FOCAD: variants seen among roughly 807,000 people sequenced by gnomAD.
FOCAD encodes KIAA1797.
Under a neutral mutation model 225.6 loss-of-function variants are expected in FOCAD, and 198 were observed. The ratio of observed to expected loss-of-function variants is 0.88; its 90% CI spans 0.78 to 0.99. FOCAD has a LOEUF of 0.99. Ranked by LOEUF, FOCAD falls within the 50% of genes least tolerant of loss-of-function variation. The pLI is 0.00. For synonymous variants in FOCAD, 897 were observed against 755.0 expected (o/e 1.19, Z -3.08); for missense variants, 2,713 against 2,123.6 (o/e 1.28, Z -5.46).
At position 20,723,427 on chromosome 9, in the gene FOCAD, G is replaced by A. The variant is rs147005825; in HGVS notation, c.287+2893G>A. 4.3e-4 allele frequency among the ~76,000 whole-genome samples: 66 copies of A among 152,348 alleles called. No individual in the cohort carries two copies. The East Asian group carries it at 0.013, about 29-fold the overall frequency. On this transcript the variant is annotated intron_variant, in intron 4 of 43. Transcript: ENST00000338382. ...CACTCGAACCCGGGAGGCGGATCTT[G>A]CAGCGAGCTGAAGCTGAAATTGCAC...
intron 35 of FOCAD, among the ~76,000 whole-genome samples, chr9:20,955,782 A>C (rs772939126): frequency 2.0e-5 from 3 of 151,460 alleles, no homozygotes; most frequent in Non-Finnish European, 4.4e-5. Flanking sequence ...CTTTTGTCTG[A>C]TTTCTGATTT....
intron 25 of FOCAD, among the ~76,000 whole-genome samples, chr9:20,924,381 T>C (rs1007395326): frequency 6.6e-5 from 10 of 152,228 alleles, no homozygotes; most frequent in Non-Finnish European, 1.5e-4. Flanking sequence ...AAGAAAGTCC[T>C]ATATTTAGAT....
intron 35 of FOCAD, among the ~76,000 whole-genome samples, chr9:20,964,231 G>C (rs938684931): frequency 6.6e-6 from 1 of 151,970 alleles, no homozygotes; most frequent in African/African-American, 2.4e-5. Context: ...GCCAGGTATG[G>C]TGGTGCACAC....
chr9:20,922,253 C>T lies in FOCAD; in HGVS notation c.2853-1407C>T, dbSNP rs140095828. Among the ~76,000 whole-genome samples the T allele has an allele frequency of 1.4e-3, 208 of 152,260 alleles. No homozygotes were observed. The Middle Eastern group carries it at 0.017, about 12-fold the overall frequency. On this transcript the variant is annotated intron_variant, in intron 24 of 43. Transcript: ENST00000338382. ...GCCATCTGCTTAGACCTCAAGGCTT[C>T]CTTCCCATTTTCTCCTCCAACCCTC...
chr9:20,765,059 G>C lies in FOCAD; in HGVS notation c.685G>C (p.Val229Leu). The change falls in exon 7 of 44, where the codon GTT becomes CTT. Residue 229 changes from valine to leucine, a missense_variant. By Grantham distance (32) the Val-to-Leu change is conservative. Coordinates refer to ENST00000338382, the MANE Select transcript of FOCAD (RefSeq NM_001375567.1). The stretch of plus-strand genomic sequence containing the variant: ...GATACTTCAACTGTGTTGTGACATA[G>C]TTCCATGTTTGCAGGTAAGGTCTTT... ...QQILQLCCDI[V>L]PCLQVKDLIQ... The C allele has an allele frequency of 1.2e-6, 2 of 1,613,180 alleles. No individual in the cohort carries two copies. Among genetic ancestry groups the C allele is most frequent in the African/African-American group, 2.7e-5 (2 of 75,020 alleles).
At chr9:20,947,046 G>A (rs1010641275) in intron 30 of FOCAD, among the ~76,000 whole-genome samples, 2 of 152,062 alleles carry the variant, frequency 1.3e-5, no homozygotes, top group Non-Finnish European at 1.5e-5. Context: ...CTTTGAGAGA[G>A]TATTGATATG....
chr9:20,985,957 A>T (rs908945329), intron 39 of FOCAD, among the ~76,000 whole-genome samples: 1 of 152,198 alleles, frequency 6.6e-6, no homozygotes, highest in Admixed American at 6.5e-5. Flanking sequence ...AACACATGTT[A>T]AGTGCTTGGA....
chr9:20,902,882 A>G (rs866016658), intron 21 of FOCAD, among the ~76,000 whole-genome samples: 2 of 151,946 alleles, frequency 1.3e-5, no homozygotes, highest in African/African-American at 4.8e-5. Context: ...ATGATGACAA[A>G]GAAGTGTGCA....
At chr9:20,983,129 C>G (rs1390057746) in intron 39 of FOCAD, among the ~76,000 whole-genome samples, 2 of 152,194 alleles carry the variant, frequency 1.3e-5, no homozygotes, top group Admixed American at 1.3e-4. Flanking sequence ...GTAGCATCAG[C>G]ATCGCCTTGG....
At chr9:20,696,020 A>G (rs138106294) in intron 1 of FOCAD, among the ~76,000 whole-genome samples, 3 of 152,376 alleles carry the variant, frequency 2.0e-5, no homozygotes, top group Non-Finnish European at 4.4e-5. Flanking sequence ...CCAAGAATTT[A>G]GGAGACTCAT....
chr9:20,804,540 A>G (rs1009867230), intron 11 of FOCAD, among the ~76,000 whole-genome samples: 5 of 151,736 alleles, frequency 3.3e-5, no homozygotes, highest in African/African-American at 9.6e-5. Flanking sequence ...GGCTGAAGCT[A>G]TAGTGACACA....
In FOCAD at chr9:20,868,710, T is replaced by A. The variant is rs951974868; in HGVS notation, c.2190+1698T>A. On this transcript the variant is annotated intron_variant, in intron 18 of 43. Transcript: ENST00000338382. Reference sequence around the variant, plus strand: ...CTTTTGTAGCTATGCTTTTCAGCTTTTTTTTTTTCTTGCCCTAATCCCCTT... The same window carrying A: ...CTTTTGTAGCTATGCTTTTCAGCTTATTTTTTTTCTTGCCCTAATCCCCTT... Among the ~76,000 whole-genome samples the A allele has an allele frequency of 3.3e-5, 5 of 152,054 alleles. No individual in the cohort carries two copies. In the East Asian group the frequency reaches 9.6e-4, roughly 29 times the overall value.
At chr9:20,723,621 CTTA>C (rs1414237618) in intron 4 of FOCAD, among the ~76,000 whole-genome samples, 2 of 152,114 alleles carry the variant, frequency 1.3e-5, no homozygotes, top group Admixed American at 6.5e-5. Flanking sequence ...GTTAGTAGGT[CTTA>C]TTATATTCTA....
At chr9:20,671,058 A>T (rs1411864810) in intron 2 of FOCAD, among the ~76,000 whole-genome samples, 2 of 152,220 alleles carry the variant, frequency 1.3e-5, no homozygotes, top group African/African-American at 4.8e-5. Flanking sequence ...TTTTAGTCTT[A>T]TATTTTATTA....
At chr9:20,663,201 A>G (rs1821786651) in intron 2 of FOCAD, among the ~76,000 whole-genome samples, 1 of 152,160 alleles carries the variant, frequency 6.6e-6, no homozygotes, top group East Asian at 1.9e-4. Context: ...AGCCTGGGCA[A>G]CATAGTGAGA....
At chr9:20,851,346 A>G (rs1827637739) in intron 15 of FOCAD, among the ~76,000 whole-genome samples, 1 of 151,696 alleles carries the variant, frequency 6.6e-6, no homozygotes, top group Admixed American at 6.6e-5. Context: ...AAAACCAGAT[A>G]TCTGCATAAA....
rs149908116 is a variant in FOCAD at position 20,935,727 on chromosome 9, G to A, written c.3407+2624G>A. On this transcript the variant is annotated intron_variant, in intron 28 of 43. Coordinates refer to ENST00000338382, the MANE Select transcript of FOCAD (RefSeq NM_001375567.1). Reference sequence around the variant, plus strand: ...TTAATCTTTTTAAAGATTTGTTGAGGCCATTTGAATTTGATTGGGCTAAGA... The same window carrying A: ...TTAATCTTTTTAAAGATTTGTTGAGACCATTTGAATTTGATTGGGCTAAGA... 8.7e-3 allele frequency among the ~76,000 whole-genome samples: 1,332 copies of A among 152,252 alleles called. 10 individuals are homozygous for A. The highest frequency in any genetic ancestry group is 0.015 in the Non-Finnish European group (1,024 of 68,014).
intron 8 of FOCAD, among the ~76,000 whole-genome samples, chr9:20,771,259 C>G (rs541136764): frequency 6.6e-6 from 1 of 152,208 alleles, no homozygotes; most frequent in Non-Finnish European, 1.5e-5. Context: ...GCTTGTCTTC[C>G]ATGCCACACA....
At chr9:20,864,543 A>G (rs1265204852) in intron 16 of FOCAD, among the ~76,000 whole-genome samples, 1 of 152,010 alleles carries the variant, frequency 6.6e-6, no homozygotes, top group Non-Finnish European at 1.5e-5. Context: ...CCATCCTTTG[A>G]GAGTTTGTCT....
Sources: gnomAD v4.1 joint callset for allele counts (sites outside exome capture counted in the v4.1 genomes callset) on GRCh38, gnomAD v4.1.1 for gene constraint, MANE v1.5 for transcripts, NCBI Gene and HGNC (gene_info 2026-07-23, HGNC 2026-07-21) for gene names.